The following PTPN22 variants were observed in gnomAD, a reference collection of about 807,000 sequenced individuals.
PTPN22 encodes the protein protein tyrosine phosphatase non-receptor type 22, also known as tyrosine-protein phosphatase non-receptor type 22.
A neutral mutation model predicts 103.3 loss-of-function variants in PTPN22; 85 were observed. The ratio of observed to expected loss-of-function variants is 0.82; its 90% CI spans 0.69 to 0.99. The LOEUF (loss-of-function observed/expected upper bound fraction) is 0.99. Ranked by LOEUF, PTPN22 falls within the 50% of genes least tolerant of loss-of-function variation. The pLI is 0.00. For synonymous variants in PTPN22, 323 were observed against 310.2 expected (o/e 1.04, Z -0.43); for missense variants, 865 against 936.9 (o/e 0.92, Z 1.00).
chr1:113,836,762 TA>T lies in PTPN22; in HGVS notation c.1810+827del, dbSNP rs967101861. Among the ~76,000 whole-genome samples, 642 of 141,196 alleles carry T rather than the reference TA, an allele frequency of 4.5e-3. 1 individual carries two copies. Among genetic ancestry groups the T allele is most frequent in the African/African-American group, 5.5e-3 (213 of 38,642 alleles). The allele number at this position is 141,196 out of a possible 152,430, so 92.6% of individuals were successfully genotyped here. A position where few individuals can be genotyped will look rare whatever the true frequency, so the allele number is the denominator to read the frequency against. ...GGGCAACATAGCAAGACCCCATTTC[TA>T]AAAAAAAAAAAAATTAGCCAGGCAT... On this transcript the variant is annotated intron_variant, in intron 13 of 20. Transcript: ENST00000359785.
chr1:113,854,218 A>G (rs1664856613), intron 9 of PTPN22, among the ~76,000 whole-genome samples: 1 of 152,146 alleles, frequency 6.6e-6, no homozygotes, highest in African/African-American at 2.4e-5. Context: ...ATTAATTTTA[A>G]TAACATATCT....
At chr1:113,854,223 ATATCT>A (rs1303303980) in intron 9 of PTPN22, among the ~76,000 whole-genome samples, 2 of 152,164 alleles carry the variant, frequency 1.3e-5, no homozygotes, top group East Asian at 3.8e-4. Context: ...TTTTAATAAC[ATATCT>A]TAGCCCAATA....
At chr1:113,832,212 G>C (rs1662607319) in intron 16 of PTPN22, among the ~76,000 whole-genome samples, 1 of 152,070 alleles carries the variant, frequency 6.6e-6, no homozygotes, top group South Asian at 2.1e-4. Context: ...TTTTGAGATG[G>C]AGTCTCGCTC....
chr1:113,835,411 G>A (rs1256178224), intron 13 of PTPN22, among the ~76,000 whole-genome samples: 4 of 152,022 alleles, frequency 2.6e-5, no homozygotes, highest in Non-Finnish European at 4.4e-5. Flanking sequence ...CCAGCTACTC[G>A]GGAGGCTGAG....
intron 13 of PTPN22, among the ~76,000 whole-genome samples, chr1:113,836,174 C>T (rs1307067026): frequency 1.3e-5 from 2 of 152,154 alleles, no homozygotes; most frequent in African/African-American, 4.8e-5. Flanking sequence ...CAAAAGTTTT[C>T]TCCACCTCCT....
At chr1:113,832,752 C>T (rs368896586) in intron 16 of PTPN22, among the ~76,000 whole-genome samples, 1 of 152,264 alleles carries the variant, frequency 6.6e-6, no homozygotes. Flanking sequence ...CAGACAAGTA[C>T]TGGAGAGGCA....
At chr1:113,821,059 TAAGC>T (rs574262262) in intron 19 of PTPN22, among the ~76,000 whole-genome samples, 44 of 152,036 alleles carry the variant, frequency 2.9e-4, no homozygotes, top group African/African-American at 9.9e-4. Context: ...TACTATGTGC[TAAGC>T]ATTGCTGTAG....
At chr1:113,853,364 T>C (rs1162313333) in intron 9 of PTPN22, among the ~76,000 whole-genome samples, 2 of 150,936 alleles carry the variant, frequency 1.3e-5, no homozygotes, top group Non-Finnish European at 3.0e-5. Context: ...TTTTTTTTTT[T>C]TTTTTTGAGG....
chr1:113,827,934 T>A (rs950863755), intron 18 of PTPN22, among the ~76,000 whole-genome samples: 2 of 152,218 alleles, frequency 1.3e-5, no homozygotes, highest in Non-Finnish European at 1.5e-5. Flanking sequence ...ACTTTTGGAA[T>A]TTACCATTCT....
At chr1:113,866,893 A>G (rs893312728) in intron 1 of PTPN22, among the ~76,000 whole-genome samples, 2 of 152,042 alleles carry the variant, frequency 1.3e-5, no homozygotes, top group African/African-American at 2.4e-5. Flanking sequence ...GATTACAGGC[A>G]TGTGCCACCA....
chr1:113,838,038 C>T (rs1405313957), exon 13 of PTPN22: 11 of 1,613,774 alleles, frequency 6.8e-6, no homozygotes, highest in Admixed American at 5.0e-5. Context: ...TCTGCTGTAT[C>T]AATTCAAAAG....
chr1:113,859,066 C>T (rs770299842), exon 3 of PTPN22: 69 of 1,613,488 alleles, frequency 4.3e-5, no homozygotes, highest in Admixed American at 1.2e-4. Context: ...TAGTTCTACC[C>T]GGCTATAATC....
intron 13 of PTPN22, among the ~76,000 whole-genome samples, chr1:113,835,408 C>A (rs1209008817): frequency 1.3e-5 from 2 of 152,104 alleles, no homozygotes; most frequent in African/African-American, 2.4e-5. Context: ...GTCCCAGCTA[C>A]TCGGGAGGCT....
At chr1:113,838,133 C>G in exon 13 of PTPN22, 1 of 1,614,118 alleles carries the variant, frequency 6.2e-7, no homozygotes, top group Non-Finnish European at 8.5e-7. Flanking sequence ...GAACATCCCT[C>G]AAACAAAAGA....
chr1:113,842,928 C>T (rs1258087931), intron 11 of PTPN22, among the ~76,000 whole-genome samples: 2 of 149,094 alleles, frequency 1.3e-5, no homozygotes, highest in South Asian at 4.3e-4. Flanking sequence ...GGTGAAACCC[C>T]GTCTCTACTA....
intron 12 of PTPN22, 31 bp from the exon 13 acceptor site, chr1:113,838,438 C>A: frequency 6.3e-7 from 1 of 1,585,216 alleles, no homozygotes; most frequent in South Asian, 1.2e-5. Flanking sequence ...AATGATGACA[C>A]CATACCCCAA....
At chr1:113,817,990 A>G (rs1264351846) in intron 20 of PTPN22, among the ~76,000 whole-genome samples, 1 of 140,364 alleles carries the variant, frequency 7.1e-6, no homozygotes, top group African/African-American at 2.7e-5. Flanking sequence ...TGGTCTTGCT[A>G]TGTTGCCCAG....
intron 4 of PTPN22, 143 bp downstream of exon 4, chr1:113,858,335 G>T: frequency 3.3e-6 from 2 of 600,438 alleles, no homozygotes; most frequent in South Asian, 2.2e-5. Context: ...ACCTGGCTGA[G>T]AACTTTCATT....
chr1:113,859,108 T>C (rs764857811), intron 2 of PTPN22, 30 bp from the exon 3 acceptor site: 22 of 1,609,236 alleles, frequency 1.4e-5, no homozygotes, highest in Non-Finnish European at 1.4e-5. Flanking sequence ...CATAGTACAA[T>C]TAAGAGGGCT....
Sources: gnomAD v4.1 joint callset for allele counts (sites outside exome capture counted in the v4.1 genomes callset) on GRCh38, gnomAD v4.1.1 for gene constraint, MANE v1.5 for transcripts, NCBI Gene and HGNC (gene_info 2026-07-23, HGNC 2026-07-21) for gene names.